UBTD2: variants seen among roughly 807,000 people sequenced by gnomAD.
The protein encoded by UBTD2 is ubiquitin domain containing 2.
UBTD2 carries 9 observed loss-of-function variants against 19.8 expected under a neutral mutation model. The observed-to-expected ratio is 0.46, with a 90% CI of 0.27 to 0.79. The LOEUF (loss-of-function observed/expected upper bound fraction) is 0.79. Among genes scored for constraint, UBTD2 ranks in the 30% least tolerant of loss-of-function variants. The pLI is 0.14. For missense variants in UBTD2, 250 were observed against 300.4 expected, an observed-to-expected ratio of 0.83 and a Z score of 1.24; for synonymous variants, 98 against 103.9, an observed-to-expected ratio of 0.94 and a Z score of 0.35.
At chr5:172,277,779 T>C (rs907479328) in intron 1 of UBTD2, among the ~76,000 whole-genome samples, 1 of 139,656 alleles carries the variant, frequency 7.2e-6, no homozygotes, top group African/African-American at 2.7e-5. Flanking sequence ...ACTCACAGAA[T>C]GGGGGAAAAT....
chr5:172,236,148 C>T (rs1305109202), intron 1 of UBTD2, among the ~76,000 whole-genome samples: 1 of 152,206 alleles, frequency 6.6e-6, no homozygotes, highest in Non-Finnish European at 1.5e-5. Flanking sequence ...CTCTTCTGTC[C>T]TCTCCCCTCA....
intron 2 of UBTD2, among the ~76,000 whole-genome samples, chr5:172,219,037 A>C (rs1343205561): frequency 2.6e-5 from 4 of 152,154 alleles, no homozygotes; most frequent in Non-Finnish European, 5.9e-5. Flanking sequence ...TGATAAACCT[A>C]GATAAAATGG....
intron 2 of UBTD2, among the ~76,000 whole-genome samples, chr5:172,225,176 T>C (rs1193357464): frequency 6.6e-6 from 1 of 152,152 alleles, no homozygotes; most frequent in African/African-American, 2.4e-5. Flanking sequence ...AGGGCATCAT[T>C]TCCCCAGGCC....
At chr5:172,259,873 G>C (rs1394965521) in intron 1 of UBTD2, among the ~76,000 whole-genome samples, 1 of 152,038 alleles carries the variant, frequency 6.6e-6, no homozygotes, top group Non-Finnish European at 1.5e-5. Flanking sequence ...GGCCAACACA[G>C]CGAAACCAGT....
chr5:172,273,802 G>A (rs987328184), intron 1 of UBTD2, among the ~76,000 whole-genome samples: 1 of 151,888 alleles, frequency 6.6e-6, no homozygotes, highest in Non-Finnish European at 1.5e-5. Flanking sequence ...AATATTTTCC[G>A]ACTGTAGCTT....
intron 2 of UBTD2, among the ~76,000 whole-genome samples, chr5:172,223,154 T>A (rs1457229984): frequency 6.6e-6 from 1 of 152,166 alleles, no homozygotes; most frequent in Non-Finnish European, 1.5e-5. Flanking sequence ...ATAGATAATT[T>A]AGGGTTACAA....
chr5:172,232,659 G>A (rs1011713889), intron 2 of UBTD2, among the ~76,000 whole-genome samples: 1 of 151,844 alleles, frequency 6.6e-6, no homozygotes, highest in African/African-American at 2.4e-5. Flanking sequence ...CCAGGAGTTC[G>A]AGATCATCTG....
intron 1 of UBTD2, among the ~76,000 whole-genome samples, chr5:172,237,576 C>T (rs920651827): frequency 1.3e-5 from 2 of 152,156 alleles, no homozygotes; most frequent in Non-Finnish European, 2.9e-5. Flanking sequence ...AGTGAAACCA[C>T]AGAGCAGTGC....
chr5:172,215,946 C>T (rs1771533250), intron 2 of UBTD2, among the ~76,000 whole-genome samples: 1 of 152,014 alleles, frequency 6.6e-6, no homozygotes, highest in East Asian at 1.9e-4. Context: ...GGGGTATCAC[C>T]TCAGGTCAGG....
At chr5:172,219,826 G>T (rs778422330) in intron 2 of UBTD2, among the ~76,000 whole-genome samples, 4 of 152,190 alleles carry the variant, frequency 2.6e-5, no homozygotes, top group Non-Finnish European at 4.4e-5. Context: ...GTTGAAAAAG[G>T]CATTACATTT....
chr5:172,283,469 G>A lies in UBTD2; in HGVS notation c.70+127C>T, dbSNP rs1414420200. 4.4e-6 allele frequency: 3 copies of A among 686,202 alleles called. No homozygotes were observed. The African/African-American group carries it at 5.7e-5, about 13-fold the overall frequency. The allele number at this position is 686,202 out of a possible 1,614,324, so 42.5% of individuals were successfully genotyped here. A position where few individuals can be genotyped will look rare whatever the true frequency, so the allele number is the denominator to read the frequency against. ...AGGACAGCCGGAAGCGGAGCGCGGG[G>A]AATGACGTGGAAGAGGGGATGACAA... On this transcript the variant is annotated intron_variant, in intron 1 of 2. Transcript: ENST00000393792. The surrounding 1 kb of genome is among the most constrained non-coding windows in gnomAD (Gnocchi z 4.3).
At chr5:172,216,109 G>A (rs1771537112) in intron 2 of UBTD2, among the ~76,000 whole-genome samples, 1 of 152,122 alleles carries the variant, frequency 6.6e-6, no homozygotes, top group South Asian at 2.1e-4. Flanking sequence ...AGAGGTCGCA[G>A]TGAGCTGAGA....
chr5:172,235,010 T>C (rs1771979478), intron 1 of UBTD2, among the ~76,000 whole-genome samples: 2 of 152,194 alleles, frequency 1.3e-5, no homozygotes, highest in South Asian at 2.1e-4. Flanking sequence ...GCTATGTATG[T>C]GTAGGCACTG....
chr5:172,264,125 C>G (rs921846652), intron 1 of UBTD2, among the ~76,000 whole-genome samples: 4 of 152,052 alleles, frequency 2.6e-5, no homozygotes, highest in African/African-American at 7.2e-5. Flanking sequence ...ATCACCCAGG[C>G]TGAAATGCAG....
chr5:172,259,079 G>A (rs1432297580), intron 1 of UBTD2, among the ~76,000 whole-genome samples: 2 of 152,088 alleles, frequency 1.3e-5, no homozygotes, highest in South Asian at 2.1e-4. Flanking sequence ...GTTGCTGTGG[G>A]TTTGTCATAG....
chr5:172,227,405 C>G (rs1771791849), intron 2 of UBTD2, among the ~76,000 whole-genome samples: 1 of 152,072 alleles, frequency 6.6e-6, no homozygotes, highest in African/African-American at 2.4e-5. Context: ...GTCATCAGAT[C>G]CTTCATTAAG....
intron 1 of UBTD2, among the ~76,000 whole-genome samples, chr5:172,251,869 G>A (rs1321309854): frequency 6.6e-6 from 1 of 152,182 alleles, no homozygotes; most frequent in Admixed American, 6.5e-5. Context: ...GGTTCCTGAA[G>A]TATAGGGTAT....
At chr5:172,272,530 T>A (rs771466653) in intron 1 of UBTD2, among the ~76,000 whole-genome samples, 1 of 152,216 alleles carries the variant, frequency 6.6e-6, no homozygotes, top group Non-Finnish European at 1.5e-5. Flanking sequence ...AAATTGATCA[T>A]GTCCGGTTAA....
chr5:172,280,461 G>A (rs938259887), intron 1 of UBTD2, among the ~76,000 whole-genome samples: 10 of 141,900 alleles, frequency 7.0e-5, no homozygotes, highest in Non-Finnish European at 1.2e-4. Flanking sequence ...AGTGAGCAGA[G>A]ATCGTGCCAC....
Sources: allele counts gnomAD v4.1 joint callset (sites outside exome capture counted in the v4.1 genomes callset), GRCh38; gene constraint gnomAD v4.1.1; non-coding constraint Gnocchi (gnomAD v3.1); transcripts MANE v1.5; gene names NCBI Gene and HGNC (gene_info 2026-07-23, HGNC 2026-07-21).